The following PDE4D variants were observed in gnomAD, a reference collection of about 807,000 sequenced individuals.
PDE4D encodes the protein 3',5'-cyclic-AMP phosphodiesterase 4D.
PDE4D carries 24 observed loss-of-function variants against 87.4 expected under a neutral mutation model. The observed-to-expected ratio is 0.27, with a 90% CI of 0.20 to 0.39. The LOEUF (loss-of-function observed/expected upper bound fraction) is 0.39. Ranked by LOEUF, PDE4D falls within the 10% of genes least tolerant of loss-of-function variation. The pLI, the probability that PDE4D is intolerant of heterozygous loss-of-function variation, is 1.00. For synonymous variants in PDE4D, 384 were observed against 383.2 expected (o/e 1.00, Z -0.02); for missense variants, 714 against 1,041.0 (o/e 0.69, Z 4.32).
chr5:60,496,184 A>ATCTTCTGT (rs2150240940), intron 1 of PDE4D, among the ~76,000 whole-genome samples: 1 of 152,260 alleles, frequency 6.6e-6, no homozygotes, highest in South Asian at 2.1e-4. Flanking sequence ...CGTTCAGGAA[A>ATCTTCTGT]TCTTCTGTTT....
At chr5:59,200,036 CACACACGTATGT>C (rs1746504720) in intron 2 of PDE4D, among the ~76,000 whole-genome samples, 2 of 104,776 alleles carry the variant, frequency 1.9e-5, no homozygotes, top group South Asian at 3.0e-4. Flanking sequence ...CATACATGCA[CACACACGTATGT>C]ACACACATGC....
chr5:60,431,406 G>T (rs571809169), intron 1 of PDE4D, among the ~76,000 whole-genome samples: 2 of 151,744 alleles, frequency 1.3e-5, no homozygotes, highest in African/African-American at 2.4e-5. Context: ...GTTCGCGGCC[G>T]GGTAGAGGCG....
At chr5:59,779,677 ATT>A (rs1314658446) in intron 1 of PDE4D, among the ~76,000 whole-genome samples, 1 of 152,118 alleles carries the variant, frequency 6.6e-6, no homozygotes, top group African/African-American at 2.4e-5. Flanking sequence ...ATCTCTTGCT[ATT>A]TTTAGCTGAT....
rs186672788 is a variant in PDE4D, at chr5:59,564,172, A to G, written c.455+328996T>C. On this transcript the variant is annotated intron_variant, in intron 1 of 14. Coordinates refer to ENST00000340635, the MANE Select transcript of PDE4D (RefSeq NM_001104631.2). ...AAAATGCTATTTCAAAACACTATTC[A>G]TGAAGATCAAGCAAAATTAGTTATA... is the stretch of plus-strand genomic sequence containing the variant. 1.8e-3 allele frequency among the ~76,000 whole-genome samples: 272 copies of G among 152,314 alleles called. 1 individual carries two copies. The highest frequency in any genetic ancestry group is 2.8e-3 in the Non-Finnish European group (190 of 68,024).
chr5:59,545,975 C>T (rs1817204383), intron 1 of PDE4D, among the ~76,000 whole-genome samples: 1 of 152,154 alleles, frequency 6.6e-6, no homozygotes, highest in Non-Finnish European at 1.5e-5. Context: ...GAGTCCACCC[C>T]TTCGTATTCC....
chr5:59,534,164 C>G (rs926903401), intron 1 of PDE4D, among the ~76,000 whole-genome samples: 2 of 152,100 alleles, frequency 1.3e-5, no homozygotes, highest in Admixed American at 6.6e-5. Context: ...TTTTCTCTTG[C>G]ATTTTAGACA....
rs1769792587 is a variant in PDE4D, at chr5:59,822,331, G to A, written c.455+70837C>T. On this transcript the variant is annotated intron_variant, in intron 1 of 14. Transcript: ENST00000340635. ...ATGATCTTGGATGAGTAGAACTATT[G>A]TAATTTTTAAATTTTGTTTTCTATA... 2.6e-5 allele frequency among the ~76,000 whole-genome samples: 4 copies of A among 152,066 alleles called. No individual in the cohort carries two copies. In the South Asian group the frequency reaches 6.2e-4, roughly 24 times the overall value.
chr5:59,944,983 T>C (rs750764498), intron 3 of PDE4D, among the ~76,000 whole-genome samples: 3 of 152,180 alleles, frequency 2.0e-5, no homozygotes, highest in Non-Finnish European at 4.4e-5. Flanking sequence ...CCCTGGACTA[T>C]ACAGTTATTT....
chr5:59,888,965 C>T (rs915446969), intron 1 of PDE4D, among the ~76,000 whole-genome samples: 13 of 151,922 alleles, frequency 8.6e-5, no homozygotes, highest in African/African-American at 3.1e-4. Flanking sequence ...CGGTGGCTTA[C>T]GTCTGTATCC....
intron 1 of PDE4D, among the ~76,000 whole-genome samples, chr5:59,410,115 T>C (rs1792388325): frequency 6.6e-6 from 1 of 152,180 alleles, no homozygotes; most frequent in African/African-American, 2.4e-5. Context: ...AAATATGCAA[T>C]AAATTATTGT....
intron 1 of PDE4D, among the ~76,000 whole-genome samples, chr5:59,757,065 T>A (rs1761356070): frequency 6.6e-6 from 1 of 152,174 alleles, no homozygotes; most frequent in African/African-American, 2.4e-5. Flanking sequence ...CCCAAAGTGC[T>A]GGGATTACAG....
At chr5:59,747,657 AG>A (rs1464864450) in intron 1 of PDE4D, among the ~76,000 whole-genome samples, 2 of 152,168 alleles carry the variant, frequency 1.3e-5, no homozygotes, top group African/African-American at 2.4e-5. Flanking sequence ...ATCACAAAAT[AG>A]AAGGAATTAA....
chr5:60,080,762 C>T (rs1773837753), intron 2 of PDE4D, among the ~76,000 whole-genome samples: 1 of 152,094 alleles, frequency 6.6e-6, no homozygotes. Flanking sequence ...TTTTTTGATA[C>T]ACTGCTGGAT....
chr5:60,176,473 T>A (rs1003809801), intron 2 of PDE4D, among the ~76,000 whole-genome samples: 1 of 152,196 alleles, frequency 6.6e-6, no homozygotes, highest in Admixed American at 6.5e-5. Flanking sequence ...TACTCTGGAA[T>A]TTCTTAATTT....
intron 1 of PDE4D, among the ~76,000 whole-genome samples, chr5:59,520,484 G>A (rs994938421): frequency 6.6e-6 from 1 of 152,096 alleles, no homozygotes; most frequent in Non-Finnish European, 1.5e-5. Flanking sequence ...GTAGGTATTT[G>A]GGGCAAGAAG....
At chr5:59,336,447 A>C (rs1346957663) in intron 1 of PDE4D, among the ~76,000 whole-genome samples, 2 of 152,182 alleles carry the variant, frequency 1.3e-5, no homozygotes, top group Non-Finnish European at 2.9e-5. Context: ...GTTGTTAGAA[A>C]CTGGTAGGTT....
intron 1 of PDE4D, among the ~76,000 whole-genome samples, chr5:60,191,919 G>A (rs989108361): frequency 2.6e-5 from 4 of 152,110 alleles, no homozygotes; most frequent in East Asian, 3.9e-4. Flanking sequence ...AGAATCGCTT[G>A]AACTCAGGAG....
chr5:59,613,754 G>T (rs1829295419), intron 1 of PDE4D, among the ~76,000 whole-genome samples: 1 of 151,978 alleles, frequency 6.6e-6, no homozygotes, highest in Admixed American at 6.6e-5. Flanking sequence ...CTTACACATA[G>T]GTTAACATTA....
intron 13 of PDE4D, among the ~76,000 whole-genome samples, chr5:58,976,128 GTTTGT>G (rs1275134934): frequency 1.3e-5 from 2 of 152,244 alleles, no homozygotes; most frequent in East Asian, 3.9e-4. Flanking sequence ...TGGGGTGTTT[GTTTGT>G]TAGTTTTTTT....
Sources: allele counts gnomAD v4.1 joint callset (sites outside exome capture counted in the v4.1 genomes callset), GRCh38; gene constraint gnomAD v4.1.1; transcripts MANE v1.5; gene names NCBI Gene and HGNC (gene_info 2026-07-23, HGNC 2026-07-21).